The following PEMT variants were observed in gnomAD, a reference collection of about 807,000 sequenced individuals.
PEMT encodes phospholipid methyltransferase.
A neutral mutation model predicts 27.4 loss-of-function variants in PEMT; 23 were observed. The observed-to-expected ratio is 0.84, with a 90% CI of 0.60 to 1.19. PEMT has a LOEUF of 1.19. Ranked by LOEUF, PEMT falls within the 50% of genes most tolerant of loss-of-function variation. PEMT has a pLI of 0.00. For missense variants in PEMT, 307 were observed against 310.1 expected (o/e 0.99, Z 0.07); for synonymous variants, 137 against 139.1 (o/e 0.98, Z 0.11).
At chr17:17,530,005 T>A (rs1907975413) in intron 2 of PEMT, among the ~76,000 whole-genome samples, 1 of 152,110 alleles carries the variant, frequency 6.6e-6, no homozygotes, top group Non-Finnish European at 1.5e-5. Flanking sequence ...GGTGCACCCA[T>A]CCTGTTGTAT....
At chr17:17,509,052 C>T (rs955510059) in intron 5 of PEMT, among the ~76,000 whole-genome samples, 5 of 152,278 alleles carry the variant, frequency 3.3e-5, no homozygotes, top group African/African-American at 1.2e-4. Context: ...TTTCATGACA[C>T]GTGAAAAGAA....
intron 2 of PEMT, among the ~76,000 whole-genome samples, chr17:17,563,459 G>A (rs1025318823): frequency 4.6e-5 from 7 of 152,178 alleles, no homozygotes; most frequent in African/African-American, 1.4e-4. Context: ...GAAGGGGGAA[G>A]CCCCAGGATT....
At chr17:17,585,900 G>A (rs977963908) in intron 1 of PEMT, among the ~76,000 whole-genome samples, 5 of 151,746 alleles carry the variant, frequency 3.3e-5, no homozygotes, top group African/African-American at 1.2e-4. Flanking sequence ...GGCTAACACG[G>A]TGAAACCCCG....
At chr17:17,547,399 T>G (rs1044076015) in intron 2 of PEMT, among the ~76,000 whole-genome samples, 2 of 152,246 alleles carry the variant, frequency 1.3e-5, no homozygotes, top group African/African-American at 4.8e-5. Flanking sequence ...CCGCATGGAC[T>G]CTGTGTGATG....
At chr17:17,511,129 G>A (rs1020069743) in intron 4 of PEMT, among the ~76,000 whole-genome samples, 4 of 152,102 alleles carry the variant, frequency 2.6e-5, no homozygotes, top group South Asian at 2.1e-4. Flanking sequence ...TGTCCCAACC[G>A]ACAGCACCTG....
chr17:17,508,901 GCCAA>G, intron 5 of PEMT: 1 of 349,336 alleles, frequency 2.9e-6, no homozygotes, highest in Non-Finnish European at 5.8e-6. Flanking sequence ...GGCGGCTCTG[GCCAA>G]CCCCTCCTGC....
intron 2 of PEMT, among the ~76,000 whole-genome samples, chr17:17,528,228 C>G (rs1161367758): frequency 6.6e-6 from 1 of 152,228 alleles, no homozygotes; most frequent in Non-Finnish European, 1.5e-5. Flanking sequence ...GAACCGCCCC[C>G]ATCTCGCTTC....
At chr17:17,544,405 C>T (rs1191081689) in intron 2 of PEMT, among the ~76,000 whole-genome samples, 6 of 151,888 alleles carry the variant, frequency 4.0e-5, no homozygotes, top group East Asian at 1.9e-4. Context: ...CTCAGCCTCC[C>T]GAGTAGCTGG....
intron 2 of PEMT, among the ~76,000 whole-genome samples, chr17:17,554,348 C>CT (rs1909894552): frequency 6.6e-6 from 1 of 152,222 alleles, no homozygotes; most frequent in Non-Finnish European, 1.5e-5. Flanking sequence ...CACAGCCCCC[C>CT]TCCCATGTCC....
chr17:17,538,911 G>A (rs1280892532), intron 2 of PEMT, among the ~76,000 whole-genome samples: 1 of 152,182 alleles, frequency 6.6e-6, no homozygotes, highest in Non-Finnish European at 1.5e-5. Flanking sequence ...AAGCAGCTGG[G>A]GCTCAGGTTT....
At chr17:17,522,173 A>C in intron 3 of PEMT, 107 bp downstream of exon 3, 1 of 774,248 alleles carries the variant, frequency 1.3e-6, no homozygotes, top group South Asian at 1.6e-5. Flanking sequence ...CTAACCCCTG[A>C]GTGCTCAGAC....
At position 17,513,599 on chromosome 17, in the gene PEMT, A is replaced by C. The variant is rs559293770; in HGVS notation, c.321-945T>G. On this transcript the variant is annotated intron_variant, in intron 3 of 6. Transcript: ENST00000255389. This position sits in a 1 kb window ranked among gnomAD's most constrained non-coding sequence, Gnocchi z 4.1. ...CTTAGTATCAAAAGAAAAAAGAAAAAAAGAAAAGGCAGTGGCGTGACCAAA... is the reference window on the plus strand; with the variant it reads ...CTTAGTATCAAAAGAAAAAAGAAAACAAGAAAAGGCAGTGGCGTGACCAAA... Among the ~76,000 whole-genome samples the C allele has an allele frequency of 3.3e-5, 5 of 152,184 alleles. No homozygotes were observed. Among genetic ancestry groups the C allele is most frequent in the African/African-American group, 1.2e-4 (5 of 41,526 alleles).
chr17:17,562,337 G>A (rs1910543797), intron 2 of PEMT, among the ~76,000 whole-genome samples: 1 of 152,322 alleles, frequency 6.6e-6, no homozygotes, highest in Non-Finnish European at 1.5e-5. Context: ...ACAGTGGCAG[G>A]AGTGTTGATG....
intron 2 of PEMT, among the ~76,000 whole-genome samples, chr17:17,544,162 C>T (rs1420461646): frequency 2.0e-5 from 3 of 151,964 alleles, no homozygotes; most frequent in Non-Finnish European, 2.9e-5. Flanking sequence ...TGACAATCCA[C>T]GAGGAAAGAA....
At chr17:17,526,228 A>G (rs771976007) in intron 2 of PEMT, among the ~76,000 whole-genome samples, 23 of 151,884 alleles carry the variant, frequency 1.5e-4, no homozygotes, top group Non-Finnish European at 3.1e-4. Flanking sequence ...TTTTTTTGCA[A>G]ATCTCACCCA....
At chr17:17,546,717 G>A (rs1226623142) in intron 2 of PEMT, among the ~76,000 whole-genome samples, 5 of 152,236 alleles carry the variant, frequency 3.3e-5, no homozygotes, top group Non-Finnish European at 7.3e-5. Context: ...GCCAAAGAGA[G>A]GCTGGGACAA....
intron 2 of PEMT, among the ~76,000 whole-genome samples, chr17:17,548,151 G>A (rs1027833064): frequency 1.3e-5 from 2 of 152,220 alleles, no homozygotes; most frequent in African/African-American, 4.8e-5. Flanking sequence ...AGAACACTTT[G>A]AGGTAGCTAT....
intron 2 of PEMT, among the ~76,000 whole-genome samples, chr17:17,536,314 T>C (rs1386298062): frequency 6.6e-6 from 1 of 152,252 alleles, no homozygotes; most frequent in East Asian, 1.9e-4. Context: ...TTATGACCCC[T>C]GCCACATGCT....
At chr17:17,586,155 A>G (rs1302039209) in intron 1 of PEMT, among the ~76,000 whole-genome samples, 2 of 138,652 alleles carry the variant, frequency 1.4e-5, no homozygotes, top group Non-Finnish European at 3.0e-5. Context: ...AAAGAAAGAA[A>G]AAGAAAGAGA....
Sources: allele counts gnomAD v4.1 joint callset (sites outside exome capture counted in the v4.1 genomes callset), GRCh38; gene constraint gnomAD v4.1.1; non-coding constraint Gnocchi (gnomAD v3.1); transcripts MANE v1.5; gene names NCBI Gene and HGNC (gene_info 2026-07-23, HGNC 2026-07-21).